Variants in EFCAB14 observed in about 807,000 individuals in gnomAD.
The protein encoded by EFCAB14 is EF-hand calcium-binding domain-containing protein 14.
Under a neutral mutation model 56.5 loss-of-function variants are expected in EFCAB14, and 43 were observed. The observed-to-expected ratio is 0.76, with a 90% CI of 0.60 to 0.98. EFCAB14 has a LOEUF of 0.98. EFCAB14 is among the 50% of genes least tolerant of loss of function. The pLI, the probability that EFCAB14 is intolerant of heterozygous loss-of-function variation, is 0.00. For missense variants in EFCAB14, 538 were observed against 580.3 expected (o/e 0.93, Z 0.75); for synonymous variants, 235 against 212.9 (o/e 1.10, Z -0.90).
At chr1:46,686,641 C>T (rs1470072654) in intron 8 of EFCAB14, 143 bp downstream of exon 8, 8 of 819,264 alleles carry the variant, frequency 9.8e-6, no homozygotes, top group Non-Finnish European at 1.2e-5. Context: ...TATTCACTAA[C>T]ATACTAATTT....
chr1:46,700,368 A>G (rs1258163968), intron 3 of EFCAB14, among the ~76,000 whole-genome samples: 1 of 152,350 alleles, frequency 6.6e-6, no homozygotes, highest in South Asian at 2.1e-4. Context: ...GAATAACCAG[A>G]CTAATCATCA....
chr1:46,678,554 A>C lies in EFCAB14; in HGVS notation c.1395T>G (p.Ser465=). 1.2e-6 allele frequency: 2 copies of C among 1,614,192 alleles called. No homozygotes were observed. Among genetic ancestry groups the C allele is most frequent in the Non-Finnish European group, 1.7e-6 (2 of 1,180,032 alleles). ...TYQEIWTSLG[S]AMPEPESLRA... is the part of the protein sequence containing the mutation. ...TCAAGCTCTCTGGTTCTGGCATAGCAGAACCTAGGGAGGTCCAGATTTCCT... is the reference window on the plus strand; with the variant it reads ...TCAAGCTCTCTGGTTCTGGCATAGCCGAACCTAGGGAGGTCCAGATTTCCT... Residue 465 remains serine, a synonymous_variant, in exon 11 of 11, where the codon TCT becomes TCG. Transcript: ENST00000371933.
In EFCAB14 at chr1:46,717,940, C is replaced by T; in HGVS notation, c.148G>A (p.Glu50Lys). 6.2e-7 allele frequency: 1 copy of T among 1,614,130 alleles called. No homozygotes were observed. The highest frequency in any genetic ancestry group is 1.1e-5 in the South Asian group (1 of 91,084). ...GAGCGATTTCCAACCACACCGAATT[C>T]CTCTTCCTCTTCGGAGCTGGACTCA... is the stretch of plus-strand genomic sequence containing the variant. ...DSESSSEEEE[E>K]FGVVGNRSRF... Residue 50 changes from glutamate (E) to lysine (K), a missense_variant, in exon 1 of 11, where the codon GAA becomes AAA. Glu to Lys is a moderately conservative substitution (Grantham distance 56, BLOSUM62 1). Coordinates refer to ENST00000371933, the MANE Select transcript of EFCAB14 (RefSeq NM_014774.3).
At chr1:46,683,762 C>T (rs1402921395) in intron 9 of EFCAB14, among the ~76,000 whole-genome samples, 1 of 152,178 alleles carries the variant, frequency 6.6e-6, no homozygotes, top group Non-Finnish European at 1.5e-5. Context: ...ATCTTGACAT[C>T]CTGGGAGATG....
intron 10 of EFCAB14, among the ~76,000 whole-genome samples, chr1:46,680,611 G>C (rs1373047452): frequency 6.6e-6 from 1 of 152,214 alleles, no homozygotes; most frequent in African/African-American, 2.4e-5. Flanking sequence ...TGGGTACAGA[G>C]ATTCTGTGAG....
At chr1:46,717,841 T>G (rs1677421360) in intron 1 of EFCAB14, 62 bp downstream of exon 1, 2 of 1,537,602 alleles carry the variant, frequency 1.3e-6, no homozygotes, top group Admixed American at 3.7e-5. Flanking sequence ...TTCCTGTCAA[T>G]GTGGCCCCTT....
At chr1:46,706,756 T>C (rs1677238844) in intron 3 of EFCAB14, among the ~76,000 whole-genome samples, 2 of 152,224 alleles carry the variant, frequency 1.3e-5, no homozygotes, top group Admixed American at 1.3e-4. Flanking sequence ...AGAGGGTAAA[T>C]ACTAGACGGC....
At chr1:46,684,691 T>C in intron 8 of EFCAB14, 89 bp from the exon 9 acceptor site, 1 of 1,091,506 alleles carries the variant, frequency 9.2e-7, no homozygotes, top group South Asian at 1.3e-5. Flanking sequence ...GTTTAGCATG[T>C]AGTGTTTGAC....
At chr1:46,716,562 AC>A in intron 1 of EFCAB14, 119 bp from the exon 2 acceptor site, 1 of 1,173,366 alleles carries the variant, frequency 8.5e-7, no homozygotes, top group Non-Finnish European at 1.2e-6. Context: ...CAGTGAATTA[AC>A]CAGGGGAGGC....
At chr1:46,694,585 CTGGAGAGGATG>C (rs1176006948) in intron 4 of EFCAB14, among the ~76,000 whole-genome samples, 2 of 152,148 alleles carry the variant, frequency 1.3e-5, no homozygotes, top group Non-Finnish European at 1.5e-5. Context: ...ACAACAGGTG[CTGGAGAGGATG>C]TGGAGAAATA....
Position 46,686,836 on chromosome 1 carries a change from G to T in EFCAB14, c.1022C>A (p.Ser341Tyr). 1 of 1,613,802 alleles carries T rather than the reference G, an allele frequency of 6.2e-7. No individual in the cohort carries two copies. The change falls in exon 8 of 11, where the codon TCT becomes TAT. Residue 341 changes from serine to tyrosine, a missense_variant. Transcript: ENST00000371933. ...TGTTCTGTTGGTGACTTGATCCAAA[G>T]ACTGTCTTTTCAGAGTGGCAGATCT... is the stretch of plus-strand genomic sequence containing the variant. ...GDRSATLKRQ[S>Y]LDQVTNRTDT...
At chr1:46,704,414 G>A (rs1477549689) in intron 3 of EFCAB14, among the ~76,000 whole-genome samples, 1 of 146,134 alleles carries the variant, frequency 6.8e-6, no homozygotes, top group Admixed American at 7.2e-5. Flanking sequence ...GGTCGAGGCT[G>A]CACAGTGAGC....
chr1:46,714,852 G>A (rs1677363924), intron 2 of EFCAB14, among the ~76,000 whole-genome samples: 1 of 151,276 alleles, frequency 6.6e-6, no homozygotes, highest in Non-Finnish European at 1.5e-5. Flanking sequence ...TAATTTGGAT[G>A]TGTAAAATAT....
chr1:46,682,632 C>T (rs1477118829), intron 10 of EFCAB14, among the ~76,000 whole-genome samples: 1 of 152,156 alleles, frequency 6.6e-6, no homozygotes, highest in Non-Finnish European at 1.5e-5. Context: ...ATATCTTATA[C>T]TGTATTCTTA....
intron 2 of EFCAB14, among the ~76,000 whole-genome samples, chr1:46,713,415 T>C (rs868275908): frequency 3.9e-5 from 6 of 152,196 alleles, no homozygotes; most frequent in Non-Finnish European, 8.8e-5. Flanking sequence ...TGACATCTCC[T>C]GAAGACAATA....
intron 3 of EFCAB14, among the ~76,000 whole-genome samples, chr1:46,706,199 A>G (rs1677232016): frequency 6.6e-6 from 1 of 152,158 alleles, no homozygotes; most frequent in Non-Finnish European, 1.5e-5. Context: ...AGCCTATGAT[A>G]AAACTGGTTT....
At chr1:46,717,859 C>T in intron 1 of EFCAB14, 44 bp downstream of exon 1, 1 of 1,588,480 alleles carries the variant, frequency 6.3e-7, no homozygotes, top group Non-Finnish European at 8.6e-7. Flanking sequence ...CTTGGTAGTG[C>T]AAGGAGATGC....
Position 46,678,602 on chromosome 1 carries a change from G to A in EFCAB14, c.1347C>T (p.Asp449=), listed in dbSNP as rs376760911. ...CCTGGTAGGTCAGCTTCCCATCCACGTCCTGGCCAGTCTTGCGGAATAAAT... is the reference window on the plus strand; with the variant it reads ...CCTGGTAGGTCAGCTTCCCATCCACATCCTGGCCAGTCTTGCGGAATAAAT... ...LQDLFRKTGQ[D]VDGKLTYQEI... Residue 449 remains aspartate (D), a synonymous_variant, in exon 11 of 11, where the codon GAC becomes GAT. Coordinates refer to ENST00000371933, the MANE Select transcript of EFCAB14 (RefSeq NM_014774.3). 1.2e-5 allele frequency: 19 copies of A among 1,613,710 alleles called. No individual in the cohort carries two copies. The highest frequency in any genetic ancestry group is 8.0e-5 in the African/African-American group (6 of 74,852).
chr1:46,692,442 A>C (rs1677007968), intron 4 of EFCAB14, among the ~76,000 whole-genome samples: 1 of 152,252 alleles, frequency 6.6e-6, no homozygotes, highest in Admixed American at 6.5e-5. Flanking sequence ...GGACTTATAG[A>C]CATTCCCCTT....
Sources: gnomAD v4.1 joint callset for allele counts (sites outside exome capture counted in the v4.1 genomes callset) on GRCh38, gnomAD v4.1.1 for gene constraint, MANE v1.5 for transcripts, NCBI Gene and HGNC (gene_info 2026-07-23, HGNC 2026-07-21) for gene names.